The following CADM2 variants were observed in gnomAD, a reference collection of about 807,000 sequenced individuals.
CADM2 encodes cell adhesion molecule 2.
A neutral mutation model predicts 49.8 loss-of-function variants in CADM2; 12 were observed. The observed-to-expected ratio is 0.24, with a 90% CI of 0.15 to 0.39. The LOEUF (loss-of-function observed/expected upper bound fraction) is 0.39, where lower values mean the gene tolerates loss of function less well. CADM2 is among the 10% of genes least tolerant of loss of function. CADM2 has a pLI of 1.00. For synonymous variants in CADM2, 214 were observed against 175.4 expected (o/e 1.22, Z -1.74); for missense variants, 378 against 492.3 (o/e 0.77, Z 2.20).
intron 1 of CADM2, among the ~76,000 whole-genome samples, chr3:85,271,157 G>A (rs553723611): frequency 3.0e-4 from 46 of 151,482 alleles, no homozygotes; most frequent in African/African-American, 1.0e-3. Flanking sequence ...GAGCAAGATA[G>A]CTTCCTAAAT....
intron 1 of CADM2, among the ~76,000 whole-genome samples, chr3:85,388,213 A>G (rs1302013751): frequency 6.6e-6 from 1 of 152,062 alleles, no homozygotes; most frequent in Non-Finnish European, 1.5e-5. Context: ...TTTTGTAGAG[A>G]TGAGGTCTCA....
chr3:85,065,524 T>C (rs998747967), intron 1 of CADM2, among the ~76,000 whole-genome samples: 21 of 152,186 alleles, frequency 1.4e-4, no homozygotes, highest in African/African-American at 4.6e-4. Flanking sequence ...CCTTGATTTA[T>C]AACTGTGCTT....
At chr3:85,038,561 G>A (rs2035310734) in intron 1 of CADM2, among the ~76,000 whole-genome samples, 1 of 152,284 alleles carries the variant, frequency 6.6e-6, no homozygotes, top group South Asian at 2.1e-4. Flanking sequence ...AAGCCCAATA[G>A]GTGGCTTTGA....
intron 3 of CADM2, among the ~76,000 whole-genome samples, chr3:85,825,942 C>T (rs2073886093): frequency 6.6e-6 from 1 of 151,808 alleles, no homozygotes; most frequent in South Asian, 2.1e-4. Context: ...TTTCTTTGTT[C>T]TCCATAAATG....
intron 1 of CADM2, among the ~76,000 whole-genome samples, chr3:85,338,017 T>C (rs1272158912): frequency 6.6e-6 from 1 of 151,700 alleles, no homozygotes; most frequent in Non-Finnish European, 1.5e-5. Flanking sequence ...TTAAGCATCA[T>C]TGCCTCCATC....
intron 1 of CADM2, among the ~76,000 whole-genome samples, chr3:85,118,920 T>A (rs2038744906): frequency 6.6e-6 from 1 of 152,024 alleles, no homozygotes; most frequent in Admixed American, 6.6e-5. Context: ...CAGCTAATTT[T>A]GTATTTTTAG....
intron 1 of CADM2, among the ~76,000 whole-genome samples, chr3:85,677,106 T>C (rs755471693): frequency 2.6e-5 from 4 of 152,166 alleles, no homozygotes; most frequent in Non-Finnish European, 5.9e-5. Flanking sequence ...CATGACACTG[T>C]TCACACGTAT....
intron 1 of CADM2, among the ~76,000 whole-genome samples, chr3:85,721,282 A>G (rs1484229184): frequency 6.6e-6 from 1 of 152,230 alleles, no homozygotes; most frequent in East Asian, 1.9e-4. Context: ...CTGCAAATAC[A>G]TTTGAATCAA....
chr3:85,473,330 G>T (rs994693098), intron 1 of CADM2, among the ~76,000 whole-genome samples: 2 of 151,944 alleles, frequency 1.3e-5, no homozygotes, highest in Admixed American at 1.3e-4. Context: ...CACAGCTGTC[G>T]ATAAAATATG....
At chr3:85,558,296 G>T (rs2107161982) in intron 1 of CADM2, among the ~76,000 whole-genome samples, 1 of 151,996 alleles carries the variant, frequency 6.6e-6, no homozygotes, top group African/African-American at 2.4e-5. Flanking sequence ...TCTAAATTTT[G>T]TACCTAAGCC....
At chr3:85,821,784 T>C (rs2073589103) in intron 3 of CADM2, among the ~76,000 whole-genome samples, 1 of 152,162 alleles carries the variant, frequency 6.6e-6, no homozygotes, top group Admixed American at 6.6e-5. Context: ...AATAATGCTT[T>C]TGTAATGTAC....
intron 1 of CADM2, among the ~76,000 whole-genome samples, chr3:85,628,705 A>G (rs973138782): frequency 3.3e-5 from 5 of 149,688 alleles, no homozygotes; most frequent in African/African-American, 1.2e-4. Flanking sequence ...TGCTTGCTAT[A>G]AGATTTACCT....
intron 8 of CADM2, among the ~76,000 whole-genome samples, chr3:86,017,226 T>C (rs1415508930): frequency 1.3e-5 from 2 of 150,288 alleles, no homozygotes; most frequent in African/African-American, 4.9e-5. Context: ...GGCAATATGT[T>C]ACAATAACAT....
chr3:85,570,338 T>A (rs2062439240), intron 1 of CADM2, among the ~76,000 whole-genome samples: 1 of 152,070 alleles, frequency 6.6e-6, no homozygotes, highest in Non-Finnish European at 1.5e-5. Flanking sequence ...GAGCACCAAA[T>A]ATTACAGAGG....
Position 85,622,691 on chromosome 3 carries a change from C to T in CADM2, c.62-103831C>T, listed in dbSNP as rs1393632157. The stretch of plus-strand genomic sequence containing the variant: ...ACTTTTCAATAATCAAACTTGCATA[C>T]TTATCATGGTTAATTTAATCAGAAT... On this transcript the variant is annotated intron_variant, in intron 1 of 9. Coordinates refer to ENST00000383699, the MANE Select transcript of CADM2 (RefSeq NM_001167675.2). Among the ~76,000 whole-genome samples the T allele has an allele frequency of 4.6e-5, 7 of 152,126 alleles. No individual in the cohort carries two copies. In the East Asian group the frequency reaches 1.2e-3, roughly 25 times the overall value.
intron 1 of CADM2, among the ~76,000 whole-genome samples, chr3:85,067,909 G>A (rs2036582771): frequency 6.6e-6 from 1 of 152,012 alleles, no homozygotes; most frequent in Non-Finnish European, 1.5e-5. Flanking sequence ...ACACAGTTGG[G>A]GACTATTTAA....
chr3:85,130,026 G>A (rs1194577841), intron 1 of CADM2, among the ~76,000 whole-genome samples: 1 of 152,118 alleles, frequency 6.6e-6, no homozygotes, highest in African/African-American at 2.4e-5. Context: ...TGGAAAGAAA[G>A]GATAGTTCAT....
chr3:85,212,125 T>C (rs986325350), intron 1 of CADM2, among the ~76,000 whole-genome samples: 1 of 152,168 alleles, frequency 6.6e-6, no homozygotes, highest in Non-Finnish European at 1.5e-5. Context: ...TCCATCTACA[T>C]GGAAATTTTT....
chr3:85,969,953 TTG>T (rs1177907037), intron 8 of CADM2, among the ~76,000 whole-genome samples: 32 of 129,490 alleles, frequency 2.5e-4, no homozygotes, highest in East Asian at 6.9e-4. Flanking sequence ...AGGGGTGTGT[TTG>T]TGTGTGTGTG....
Sources: allele counts gnomAD v4.1 joint callset (sites outside exome capture counted in the v4.1 genomes callset), GRCh38; gene constraint gnomAD v4.1.1; transcripts MANE v1.5; gene names NCBI Gene and HGNC (gene_info 2026-07-23, HGNC 2026-07-21).